CNOT4: variants seen among roughly 807,000 people sequenced by gnomAD.
The protein encoded by CNOT4 is CCR4-NOT transcription complex subunit 4.
Under a neutral mutation model 73.8 loss-of-function variants are expected in CNOT4, and 8 were observed. The ratio of observed to expected loss-of-function variants is 0.11; its 90% CI spans 0.06 to 0.20. The LOEUF (loss-of-function observed/expected upper bound fraction) is 0.20, where lower values mean the gene tolerates loss of function less well. Ranked by LOEUF, CNOT4 falls within the 10% of genes least tolerant of loss-of-function variation. CNOT4 has a pLI of 1.00. For missense variants in CNOT4, 564 were observed against 883.4 expected (o/e 0.64, Z 4.58); for synonymous variants, 293 against 321.1 (o/e 0.91, Z 0.94).
chr7:135,462,701 T>C (rs1056312753), intron 1 of CNOT4, among the ~76,000 whole-genome samples: 1 of 152,228 alleles, frequency 6.6e-6, no homozygotes, highest in African/African-American at 2.4e-5. Context: ...AAGGTGTGTA[T>C]AGCAGATCTA....
At chr7:135,380,112 T>C (rs1795756643) in intron 10 of CNOT4, among the ~76,000 whole-genome samples, 1 of 151,398 alleles carries the variant, frequency 6.6e-6, no homozygotes, top group African/African-American at 2.4e-5. Context: ...AACAACAACT[T>C]CCTTGATTGG....
At chr7:135,491,211 T>A (rs953494880) in intron 1 of CNOT4, among the ~76,000 whole-genome samples, 1 of 152,116 alleles carries the variant, frequency 6.6e-6, no homozygotes, top group African/African-American at 2.4e-5. Flanking sequence ...AATAAGGAGT[T>A]ACGGAGAGAG....
At chr7:135,392,646 T>C (rs988215235) in intron 10 of CNOT4, among the ~76,000 whole-genome samples, 1 of 152,122 alleles carries the variant, frequency 6.6e-6, no homozygotes, top group Non-Finnish European at 1.5e-5. Context: ...CTAACTACCA[T>C]AATTAAATGA....
At chr7:135,411,274 T>C (rs928243001) in intron 6 of CNOT4, among the ~76,000 whole-genome samples, 2 of 152,066 alleles carry the variant, frequency 1.3e-5, no homozygotes, top group South Asian at 2.1e-4. Context: ...CAGTTGCCTG[T>C]TTTTATAAAT....
chr7:135,423,408 A>C (rs1200075264), intron 2 of CNOT4, among the ~76,000 whole-genome samples: 1 of 151,682 alleles, frequency 6.6e-6, no homozygotes, highest in Non-Finnish European at 1.5e-5. Flanking sequence ...AAATAGCTAC[A>C]GGCCTGAAAT....
chr7:135,444,340 A>G, intron 1 of CNOT4: 2 of 641,164 alleles, frequency 3.1e-6, no homozygotes, highest in South Asian at 1.7e-5. Context: ...TATTTTTGAC[A>G]ATAGCCAAAA....
chr7:135,408,616 C>T (rs770841937), intron 7 of CNOT4, among the ~76,000 whole-genome samples: 1 of 152,114 alleles, frequency 6.6e-6, no homozygotes, highest in Non-Finnish European at 1.5e-5. Context: ...CAGGAACCAA[C>T]CTTGGCAGGG....
At chr7:135,396,321 A>C (rs7777251) in intron 8 of CNOT4, among the ~76,000 whole-genome samples, 2 of 151,782 alleles carry the variant, frequency 1.3e-5, no homozygotes, top group Admixed American at 1.3e-4. Flanking sequence ...GTTTCACCGC[A>C]TTATCCAGGA....
chr7:135,477,025 A>G (rs1802036791), intron 1 of CNOT4, among the ~76,000 whole-genome samples: 1 of 152,188 alleles, frequency 6.6e-6, no homozygotes, highest in Non-Finnish European at 1.5e-5. Flanking sequence ...CACATATTCT[A>G]TAATGAATAT....
rs548988489 is a variant in CNOT4 at position 135,503,453 on chromosome 7, T to C, written c.-93+6436A>G. Among the ~76,000 whole-genome samples, 13 of 148,206 alleles carry C rather than the reference T, an allele frequency of 8.8e-5. No individual in the cohort carries two copies. In the East Asian group the frequency reaches 2.6e-3, roughly 29 times the overall value. ...ACTCCAGCCTGGGCAACAGAGACCA[T>C]CTCAAAAAAAAAAAGAAAAAAAGTT... On this transcript the variant is annotated intron_variant, in intron 1 of 11. Coordinates refer to ENST00000541284, the MANE Select transcript of CNOT4 (RefSeq NM_001190850.2).
At chr7:135,463,207 A>T (rs1206765824) in intron 1 of CNOT4, among the ~76,000 whole-genome samples, 1 of 152,216 alleles carries the variant, frequency 6.6e-6, no homozygotes, top group Non-Finnish European at 1.5e-5. Flanking sequence ...CTAACTGAAG[A>T]TGGATTAAAG....
intron 1 of CNOT4, among the ~76,000 whole-genome samples, chr7:135,500,645 G>A (rs554775263): frequency 7.2e-5 from 11 of 152,220 alleles, no homozygotes; most frequent in African/African-American, 2.4e-4. Flanking sequence ...CTCAGCCTGC[G>A]GACCTACCTT....
intron 1 of CNOT4, among the ~76,000 whole-genome samples, chr7:135,506,050 TC>T (rs1804348980): frequency 6.6e-6 from 1 of 152,228 alleles, no homozygotes; most frequent in Non-Finnish European, 1.5e-5. Context: ...TTGAGTACTC[TC>T]AACTTTTGAG....
At chr7:135,429,780 A>G (rs1244456904) in intron 2 of CNOT4, among the ~76,000 whole-genome samples, 1 of 152,252 alleles carries the variant, frequency 6.6e-6, no homozygotes, top group Non-Finnish European at 1.5e-5. Flanking sequence ...AATGAACAGC[A>G]GGACTGTGAT....
intron 1 of CNOT4, among the ~76,000 whole-genome samples, chr7:135,472,197 G>T (rs1801628871): frequency 6.6e-6 from 1 of 150,548 alleles, no homozygotes. Flanking sequence ...AAATATACAG[G>T]CTGGGCGTGG....
intron 1 of CNOT4, among the ~76,000 whole-genome samples, chr7:135,492,554 T>C (rs1448851891): frequency 3.3e-5 from 5 of 152,058 alleles, no homozygotes; most frequent in Non-Finnish European, 7.4e-5. Flanking sequence ...AGGTACCAGG[T>C]AGAATGGGCT....
At chr7:135,426,132 T>C (rs1262982593) in intron 2 of CNOT4, among the ~76,000 whole-genome samples, 1 of 152,100 alleles carries the variant, frequency 6.6e-6, no homozygotes. Flanking sequence ...GAGGGATGCT[T>C]GAGCACAGGA....
At chr7:135,444,030 C>T (rs1006251616) in intron 1 of CNOT4, among the ~76,000 whole-genome samples, 1 of 151,868 alleles carries the variant, frequency 6.6e-6, no homozygotes, top group Non-Finnish European at 1.5e-5. Context: ...GTCTTAGCTA[C>T]TCAGGAGGCC....
chr7:135,413,646 A>G lies in CNOT4; in HGVS notation c.562-33T>C, dbSNP rs548406236. The G allele has an allele frequency of 2.5e-6, 4 of 1,597,462 alleles. No homozygotes were observed. The East Asian group carries it at 6.7e-5, about 27-fold the overall frequency. Reference sequence around the variant, plus strand: ...AGGAAGAGGGGTAAAGGAAAAGAAGACTCAATGTGAACTGACAACACAATG... The same window carrying G: ...AGGAAGAGGGGTAAAGGAAAAGAAGGCTCAATGTGAACTGACAACACAATG... On this transcript the variant is annotated intron_variant, in intron 5 of 11. Transcript: ENST00000541284.
Sources: gnomAD v4.1 joint callset for allele counts (sites outside exome capture counted in the v4.1 genomes callset) on GRCh38, gnomAD v4.1.1 for gene constraint, MANE v1.5 for transcripts, NCBI Gene and HGNC (gene_info 2026-07-23, HGNC 2026-07-21) for gene names.